Variants in INPP4B observed in about 807,000 individuals in gnomAD.
INPP4B encodes the protein inositol polyphosphate 4-phosphatase type II.
INPP4B carries 55 observed loss-of-function variants against 122.5 expected under a neutral mutation model. That is an observed-to-expected ratio of 0.45 (90% CI 0.36 to 0.56). INPP4B has a LOEUF of 0.56. Ranked by LOEUF, INPP4B falls within the 20% of genes least tolerant of loss-of-function variation. The pLI is 0.00. For missense variants in INPP4B, 1,000 were observed against 1,097.7 expected (o/e 0.91, Z 1.26); for synonymous variants, 403 against 388.7 (o/e 1.04, Z -0.43).
In INPP4B at chr4:142,086,187, G is replaced by A. The variant is rs2152545828; in HGVS notation, c.2444C>T (p.Ser815Phe). 6.2e-7 allele frequency: 1 copy of A among 1,603,018 alleles called. No individual in the cohort carries two copies. Among genetic ancestry groups the A allele is most frequent in the South Asian group, 1.1e-5 (1 of 90,676 alleles). The stretch of plus-strand genomic sequence containing the variant: ...AATTTCTACATTCTTTCTTTTTTTG[G>A]ATTGGATATTTTGAAGGAGATTTTC... ...LLENLLQNIQ[S>F]KKRKNVEIMW... Residue 815 changes from serine to phenylalanine, a missense_variant, in exon 24 of 26, where the codon TCC becomes TTC. By Grantham distance (155) the Ser-to-Phe change is radical (BLOSUM62 -2). Transcript: ENST00000262992.
intron 1 of INPP4B, among the ~76,000 whole-genome samples, chr4:142,833,269 A>C: frequency 6.6e-6 from 1 of 152,088 alleles, no homozygotes; most frequent in Non-Finnish European, 1.5e-5. Flanking sequence ...ATAATGCAGC[A>C]ATTTTATTTA....
chr4:142,134,178 T>C (rs1802772637), intron 18 of INPP4B, among the ~76,000 whole-genome samples: 1 of 152,228 alleles, frequency 6.6e-6, no homozygotes, highest in Non-Finnish European at 1.5e-5. Flanking sequence ...ATATCACCTT[T>C]AAAAACGTGG....
At chr4:142,104,790 C>T (rs1330410170) in intron 23 of INPP4B, among the ~76,000 whole-genome samples, 1 of 152,056 alleles carries the variant, frequency 6.6e-6, no homozygotes. Flanking sequence ...CACATCATCC[C>T]CTATACTTTA....
intron 2 of INPP4B, among the ~76,000 whole-genome samples, chr4:142,639,960 G>A (rs576784565): frequency 6.6e-6 from 1 of 152,030 alleles, no homozygotes; most frequent in Non-Finnish European, 1.5e-5. Context: ...TTCTAGATGT[G>A]ACCATGCAGA....
intron 18 of INPP4B, among the ~76,000 whole-genome samples, chr4:142,133,888 A>G (rs948060375): frequency 6.6e-5 from 10 of 152,226 alleles, no homozygotes. Context: ...TGAGACCTAC[A>G]TCGCCTACTC....
At chr4:142,687,037 A>G (rs1165882496) in intron 2 of INPP4B, among the ~76,000 whole-genome samples, 1 of 152,022 alleles carries the variant, frequency 6.6e-6, no homozygotes, top group Admixed American at 6.6e-5. Context: ...ATTCTTGGGG[A>G]TTCTTGCGAA....
intron 14 of INPP4B, among the ~76,000 whole-genome samples, chr4:142,204,988 G>A (rs1051007472): frequency 4.6e-5 from 7 of 151,946 alleles, no homozygotes; most frequent in African/African-American, 1.4e-4. Context: ...ATGCTTGCAC[G>A]TGTAAACACA....
intron 12 of INPP4B, among the ~76,000 whole-genome samples, chr4:142,232,902 C>T (rs1855024708): frequency 6.6e-6 from 1 of 152,084 alleles, no homozygotes; most frequent in South Asian, 2.1e-4. Flanking sequence ...TCCCTTAAGC[C>T]AAATTCTAAT....
chr4:142,272,078 C>A (rs561130676), intron 9 of INPP4B, among the ~76,000 whole-genome samples: 129 of 152,182 alleles, frequency 8.5e-4, no homozygotes, highest in Non-Finnish European at 1.6e-3. Context: ...AGTCATGTGA[C>A]GTCTCATTTT....
At chr4:142,155,385 G>T (rs1284488609) in intron 17 of INPP4B, among the ~76,000 whole-genome samples, 1 of 152,032 alleles carries the variant, frequency 6.6e-6, no homozygotes, top group Non-Finnish European at 1.5e-5. Flanking sequence ...CAGAGTAGTT[G>T]GACAAGAGAA....
intron 5 of INPP4B, among the ~76,000 whole-genome samples, chr4:142,427,933 G>A (rs924291069): frequency 1.3e-5 from 2 of 151,674 alleles, no homozygotes; most frequent in African/African-American, 2.4e-5. Context: ...AAACTCTCTA[G>A]AGAGAGAGGG....
intron 25 of INPP4B, among the ~76,000 whole-genome samples, chr4:142,065,105 C>T (rs1283701474): frequency 6.6e-6 from 1 of 151,998 alleles, no homozygotes; most frequent in Non-Finnish European, 1.5e-5. Flanking sequence ...TACACCCTGC[C>T]ATGTTTCAAA....
intron 2 of INPP4B, among the ~76,000 whole-genome samples, chr4:142,597,938 A>G (rs931870801): frequency 2.6e-5 from 4 of 152,210 alleles, no homozygotes; most frequent in Non-Finnish European, 5.9e-5. Flanking sequence ...AAAACAAACA[A>G]AAAAATGAAG....
At chr4:142,555,943 G>C (rs116339306) in intron 2 of INPP4B, among the ~76,000 whole-genome samples, 2,177 of 152,112 alleles carry the variant, frequency 0.014, 20 homozygotes, top group Middle Eastern at 0.027. Flanking sequence ...CTGTGTGTGT[G>C]TGTATATACA....
chr4:142,690,985 A>C (rs1760089385), intron 2 of INPP4B, among the ~76,000 whole-genome samples: 1 of 152,106 alleles, frequency 6.6e-6, no homozygotes. Context: ...TTCTGAATAT[A>C]ATGCTGAGTG....
chr4:142,539,249 TAAC>T (rs1181803171), intron 2 of INPP4B, among the ~76,000 whole-genome samples: 2 of 151,572 alleles, frequency 1.3e-5, no homozygotes, highest in African/African-American at 4.8e-5. Flanking sequence ...CATGACAATA[TAAC>T]AACAAGAAAA....
At chr4:142,295,736 C>CT (rs934556526) in intron 9 of INPP4B, among the ~76,000 whole-genome samples, 61 of 146,702 alleles carry the variant, frequency 4.2e-4, no homozygotes, top group Admixed American at 9.5e-4. Flanking sequence ...TTCACTTTCC[C>CT]TTTTTTTTTT....
chr4:142,233,325 A>G (rs909449182), intron 12 of INPP4B, among the ~76,000 whole-genome samples: 10 of 152,118 alleles, frequency 6.6e-5, no homozygotes, highest in Admixed American at 1.3e-4. Context: ...TTCACCAAAA[A>G]AGTTACAATT....
intron 14 of INPP4B, among the ~76,000 whole-genome samples, chr4:142,204,940 GA>G (rs1842061803): frequency 6.6e-6 from 1 of 152,040 alleles, no homozygotes; most frequent in Non-Finnish European, 1.5e-5. Flanking sequence ...AGTAGCCCTA[GA>G]AAACCAATAC....
Sources: gnomAD v4.1 joint callset for allele counts (sites outside exome capture counted in the v4.1 genomes callset) on GRCh38, gnomAD v4.1.1 for gene constraint, MANE v1.5 for transcripts, NCBI Gene and HGNC (gene_info 2026-07-23, HGNC 2026-07-21) for gene names.